The following FER1L6 variants were observed in gnomAD, a reference collection of about 807,000 sequenced individuals.
FER1L6 encodes the protein fer-1-like protein 6.
Under a neutral mutation model 219.2 loss-of-function variants are expected in FER1L6, and 177 were observed. The ratio of observed to expected loss-of-function variants is 0.81; its 90% CI spans 0.71 to 0.91. FER1L6 has a LOEUF of 0.91. Ranked by LOEUF, FER1L6 falls within the 40% of genes least tolerant of loss-of-function variation. FER1L6 has a pLI of 0.00. For synonymous variants in FER1L6, 768 were observed against 824.3 expected (o/e 0.93, Z 1.17); for missense variants, 2,153 against 2,259.9 (o/e 0.95, Z 0.96).
intron 32 of FER1L6, among the ~76,000 whole-genome samples, chr8:124,078,923 G>T (rs952603079): frequency 1.3e-5 from 2 of 152,140 alleles, no homozygotes; most frequent in Non-Finnish European, 2.9e-5. Context: ...TCACAGTTTG[G>T]GATACTGAAA....
At chr8:124,104,557 G>A (rs924907869) in intron 39 of FER1L6, among the ~76,000 whole-genome samples, 1 of 152,170 alleles carries the variant, frequency 6.6e-6, no homozygotes, top group Non-Finnish European at 1.5e-5. Flanking sequence ...ACCATGATGA[G>A]TACAGTATGG....
rs112909058 is a variant in FER1L6 at position 123,905,252 on chromosome 8, G to A, written c.-7-50740G>A. On this transcript the variant is annotated intron_variant, in intron 1 of 40. Coordinates refer to ENST00000522917, the MANE Select transcript of FER1L6 (RefSeq NM_001039112.2). ...ACTCTCCCTCCCCCCAACACCCCTG[G>A]CAGGCCACAGTGTGCGTTGTTCTCT... is the stretch of plus-strand genomic sequence containing the variant. Among the ~76,000 whole-genome samples the A allele has an allele frequency of 6.3e-3, 958 of 152,122 alleles. 3 individuals carry two copies. The highest frequency in any genetic ancestry group is 0.017 in the Middle Eastern group (5 of 294).
intron 9 of FER1L6, among the ~76,000 whole-genome samples, chr8:123,976,480 G>C (rs1171196369): frequency 2.0e-5 from 3 of 151,600 alleles, no homozygotes; most frequent in Non-Finnish European, 2.9e-5. Flanking sequence ...CTGTGCTCCA[G>C]CCTGGGTGAC....
At chr8:123,885,748 C>T (rs1817189755) in intron 1 of FER1L6, among the ~76,000 whole-genome samples, 1 of 152,136 alleles carries the variant, frequency 6.6e-6, no homozygotes, top group African/African-American at 2.4e-5. Context: ...AAAGCCTGGG[C>T]CAGGGGCGGG....
At chr8:124,075,039 A>G (rs927178989) in intron 31 of FER1L6, among the ~76,000 whole-genome samples, 4 of 152,198 alleles carry the variant, frequency 2.6e-5, no homozygotes, top group African/African-American at 9.7e-5. Context: ...GTGAATGTGA[A>G]GGCCTAGGAT....
At chr8:124,061,787 C>A in intron 24 of FER1L6, 65 bp from the exon 25 acceptor site, 1 of 1,511,888 alleles carries the variant, frequency 6.6e-7, no homozygotes, top group Non-Finnish European at 9.1e-7. Flanking sequence ...GGATGCCCAG[C>A]TGGCTTTGGG....
At chr8:124,105,452 A>T (rs1313543858) in intron 39 of FER1L6, among the ~76,000 whole-genome samples, 2 of 152,218 alleles carry the variant, frequency 1.3e-5, no homozygotes, top group Non-Finnish European at 2.9e-5. Context: ...CCTAGGAAAC[A>T]CATCCCCTTA....
At chr8:123,947,152 G>A (rs1402849597) in intron 1 of FER1L6, among the ~76,000 whole-genome samples, 2 of 151,942 alleles carry the variant, frequency 1.3e-5, no homozygotes, top group Non-Finnish European at 2.9e-5. Context: ...CGGGTGTGGT[G>A]GCACGTGCCT....
At chr8:124,074,006 C>T (rs932879532) in intron 31 of FER1L6, among the ~76,000 whole-genome samples, 2 of 152,198 alleles carry the variant, frequency 1.3e-5, no homozygotes, top group African/African-American at 4.8e-5. Context: ...CTTGAACATA[C>T]AGCTTTATAG....
intron 1 of FER1L6, among the ~76,000 whole-genome samples, chr8:123,932,899 T>A (rs1168307301): frequency 6.6e-6 from 1 of 152,214 alleles, no homozygotes; most frequent in Non-Finnish European, 1.5e-5. Context: ...GCTATTGCTG[T>A]GCTAGTAGAG....
intron 12 of FER1L6, among the ~76,000 whole-genome samples, chr8:123,998,462 A>G (rs1817250718): frequency 6.9e-6 from 1 of 145,284 alleles, no homozygotes; most frequent in South Asian, 2.2e-4. Context: ...GGGGTGACAC[A>G]AGCACTTCTG....
At chr8:124,114,895 G>GTATA (rs71289637) in intron 39 of FER1L6, among the ~76,000 whole-genome samples, 9,174 of 89,420 alleles carry the variant, frequency 0.1, 669 homozygotes, top group Non-Finnish European at 0.13. Context: ...GTGTGTGTGC[G>GTATA]TATATATATA....
intron 1 of FER1L6, among the ~76,000 whole-genome samples, chr8:123,867,196 A>G (rs1816851625): frequency 6.6e-6 from 1 of 152,132 alleles, no homozygotes; most frequent in Non-Finnish European, 1.5e-5. Flanking sequence ...TTGCAATGTC[A>G]GGTCTTATGT....
chr8:124,068,916 A>C (rs1820941743), intron 28 of FER1L6, among the ~76,000 whole-genome samples: 1 of 151,634 alleles, frequency 6.6e-6, no homozygotes, highest in Non-Finnish European at 1.5e-5. Context: ...TTTAAAAAGA[A>C]GGGTCACAAG....
At position 124,035,266 on chromosome 8, in the gene FER1L6, C is replaced by A. The variant is rs149656547; in HGVS notation, c.2287-11C>A. 6.8e-6 allele frequency: 11 copies of A among 1,608,606 alleles called. No homozygotes were observed. Among genetic ancestry groups the A allele is most frequent in the Middle Eastern group, 1.7e-4 (1 of 6,006 alleles). On this transcript the variant is annotated splice_polypyrimidine_tract_variant and intron_variant, in intron 18 of 40. Transcript: ENST00000522917. ...ACTAATAAGTCAGTCTTTTTTGTAA[C>A]CTTTCTCCAGCCTCCTGGGAAACGA... is the stretch of plus-strand genomic sequence containing the variant.
At chr8:124,063,310 C>T (rs976818809) in intron 25 of FER1L6, among the ~76,000 whole-genome samples, 1 of 151,934 alleles carries the variant, frequency 6.6e-6, no homozygotes, top group African/African-American at 2.4e-5. Context: ...ATACTCAGAC[C>T]CCTCCATGTT....
intron 1 of FER1L6, among the ~76,000 whole-genome samples, chr8:123,923,649 A>C (rs897163693): frequency 1.3e-5 from 2 of 152,184 alleles, no homozygotes; most frequent in African/African-American, 4.8e-5. Context: ...GGAACCCTTA[A>C]CATATGCCTG....
At position 123,852,701 on chromosome 8, in the gene FER1L6, A is replaced by G. The variant is rs1816536362; in HGVS notation, c.-8+516A>G. Among the ~76,000 whole-genome samples, 2 of 152,174 alleles carry G rather than the reference A, an allele frequency of 1.3e-5. No homozygotes were observed. Among genetic ancestry groups the G allele is most frequent in the East Asian group, 1.9e-4 (1 of 5,196 alleles). On this transcript the variant is annotated intron_variant, in intron 1 of 40. Coordinates refer to ENST00000522917, the MANE Select transcript of FER1L6 (RefSeq NM_001039112.2). The surrounding 1 kb of genome is among the most constrained non-coding windows in gnomAD (Gnocchi z 4.9). ...GTTGCAAAGATAATTGAGTTCTCTT[A>G]AATTTCTCACTCAGTTTTCCCTAAT...
At chr8:123,909,290 CA>C (rs1302436943) in intron 1 of FER1L6, among the ~76,000 whole-genome samples, 4 of 149,832 alleles carry the variant, frequency 2.7e-5, no homozygotes, top group Non-Finnish European at 5.9e-5. Context: ...TGTGATAAGA[CA>C]AAAAAAAAGT....
Sources: gnomAD v4.1 joint callset for allele counts (sites outside exome capture counted in the v4.1 genomes callset) on GRCh38, gnomAD v4.1.1 for gene constraint, Gnocchi (gnomAD v3.1) non-coding constraint, MANE v1.5 for transcripts, NCBI Gene and HGNC (gene_info 2026-07-23, HGNC 2026-07-21) for gene names.